Variants in TPD52 observed in about 807,000 individuals in gnomAD.
TPD52 encodes prostate and colon associated protein.
In TPD52, 17 loss-of-function variants were observed where a neutral mutation model predicts 31.3. The observed-to-expected ratio is 0.54, with a 90% CI of 0.37 to 0.82. The LOEUF is 0.82. Among genes scored for constraint, TPD52 ranks in the 40% least tolerant of loss-of-function variants. The pLI, the probability that TPD52 is intolerant of heterozygous loss-of-function variation, is 0.00. For missense variants in TPD52, 212 were observed against 240.1 expected (o/e 0.88, Z 0.77); for synonymous variants, 83 against 89.6 (o/e 0.93, Z 0.42).
intron 1 of TPD52, chr8:80,080,209 A>C (rs970267642): frequency 2.0e-6 from 2 of 986,010 alleles, no homozygotes; most frequent in Non-Finnish European, 3.1e-6. Flanking sequence ...ACAACCCAAC[A>C]CCACCCTGGT....
chr8:80,131,775 G>A (rs1166898170), intron 1 of TPD52, among the ~76,000 whole-genome samples: 6 of 152,130 alleles, frequency 3.9e-5, no homozygotes, highest in Non-Finnish European at 5.9e-5. Context: ...GGTGCTCCAC[G>A]TGGCAGCCAT....
intron 7 of TPD52, among the ~76,000 whole-genome samples, 171 bp from the exon 8 acceptor site, chr8:80,038,406 T>C (rs949971291): frequency 1.3e-5 from 2 of 152,232 alleles, no homozygotes; most frequent in Non-Finnish European, 2.9e-5. Flanking sequence ...AGTGTGGTTT[T>C]ATAGTAAAAC....
chr8:80,154,737 ACACACAC>A (rs1421881663), intron 1 of TPD52, among the ~76,000 whole-genome samples: 9 of 141,108 alleles, frequency 6.4e-5, no homozygotes, highest in Middle Eastern at 7.5e-3. Flanking sequence ...ACACACACAC[ACACACAC>A]ACACACACAA....
chr8:80,054,474 C>T (rs566570132), intron 2 of TPD52, among the ~76,000 whole-genome samples: 1 of 151,958 alleles, frequency 6.6e-6, no homozygotes, highest in Non-Finnish European at 1.5e-5. Flanking sequence ...CTTTAGGTCC[C>T]AGGAAATTGA....
intron 5 of TPD52, among the ~76,000 whole-genome samples, chr8:80,047,869 G>T (rs1386330554): frequency 6.6e-6 from 1 of 152,042 alleles, no homozygotes; most frequent in Non-Finnish European, 1.5e-5. Flanking sequence ...GGAAATAAAG[G>T]CAAAATTAAT....
chr8:80,088,816 G>A (rs1195829870), intron 1 of TPD52, among the ~76,000 whole-genome samples: 5 of 152,150 alleles, frequency 3.3e-5, no homozygotes, highest in Admixed American at 1.3e-4. Context: ...GGATGCTCAC[G>A]CAAAAGGCCT....
chr8:80,112,817 A>T (rs1157847795), intron 1 of TPD52, among the ~76,000 whole-genome samples: 1 of 152,196 alleles, frequency 6.6e-6, no homozygotes, highest in African/African-American at 2.4e-5. Context: ...TACAGGTTGA[A>T]TATCCCTTAT....
chr8:80,116,435 C>G (rs1200596926), intron 1 of TPD52, among the ~76,000 whole-genome samples: 3 of 149,188 alleles, frequency 2.0e-5, no homozygotes, highest in South Asian at 2.1e-4. Flanking sequence ...TAGAAAGACA[C>G]AAAATCCTGA....
At chr8:80,122,916 C>G (rs1032152216) in intron 1 of TPD52, 1 of 152,294 alleles carries the variant, frequency 6.6e-6, no homozygotes, top group Non-Finnish European at 1.5e-5. Context: ...GTTTGGGAAA[C>G]CTTCACTGCT....
At chr8:80,148,657 G>C (rs963832015) in intron 1 of TPD52, among the ~76,000 whole-genome samples, 6 of 152,074 alleles carry the variant, frequency 3.9e-5, no homozygotes, top group African/African-American at 1.2e-4. Flanking sequence ...TTTTGCTGAA[G>C]AGAAAATGCT....
intron 1 of TPD52, among the ~76,000 whole-genome samples, chr8:80,168,568 C>T (rs1048041251): frequency 6.6e-6 from 1 of 152,222 alleles, no homozygotes; most frequent in Non-Finnish European, 1.5e-5. Flanking sequence ...TTTCAGCCAA[C>T]ACAGTTTGCT....
chr8:80,137,201 G>A (rs542813124), intron 1 of TPD52, among the ~76,000 whole-genome samples: 12 of 152,236 alleles, frequency 7.9e-5, no homozygotes, highest in Non-Finnish European at 1.3e-4. Context: ...GTTTGCCTGC[G>A]GGCACGGGAT....
intron 1 of TPD52, among the ~76,000 whole-genome samples, chr8:80,093,453 A>C (rs1373265488): frequency 6.6e-6 from 1 of 152,204 alleles, no homozygotes; most frequent in Non-Finnish European, 1.5e-5. Context: ...ATGTGGAAAA[A>C]ACTTCCACAA....
intron 1 of TPD52, among the ~76,000 whole-genome samples, chr8:80,142,238 C>T (rs1336762631): frequency 1.3e-5 from 2 of 152,160 alleles, no homozygotes; most frequent in African/African-American, 2.4e-5. Context: ...AGGCACAAAT[C>T]GGGTCTGTAT....
intron 1 of TPD52, among the ~76,000 whole-genome samples, chr8:80,139,897 G>T (rs1408968906): frequency 6.6e-6 from 1 of 152,110 alleles, no homozygotes; most frequent in Admixed American, 6.5e-5. Flanking sequence ...CCAGCTAGGG[G>T]ACCCCACCCG....
chr8:80,080,231 C>G, intron 1 of TPD52: 1 of 1,290,156 alleles, frequency 7.8e-7, no homozygotes, highest in South Asian at 1.3e-5. Flanking sequence ...CATCTTTACA[C>G]TAACAATTTT....
chr8:80,047,332 G>A (rs1810961877), intron 5 of TPD52, among the ~76,000 whole-genome samples: 1 of 152,046 alleles, frequency 6.6e-6, no homozygotes, highest in African/African-American at 2.4e-5. Flanking sequence ...TTGTCTCGCT[G>A]GGCTTATAAA....
At chr8:80,117,142 A>G (rs1807920821) in intron 1 of TPD52, among the ~76,000 whole-genome samples, 1 of 152,200 alleles carries the variant, frequency 6.6e-6, no homozygotes, top group Non-Finnish European at 1.5e-5. Flanking sequence ...TGGAGGTTCT[A>G]GCCAGGACAC....
intron 1 of TPD52, among the ~76,000 whole-genome samples, chr8:80,095,420 G>T (rs991100672): frequency 6.6e-6 from 1 of 152,068 alleles, no homozygotes; most frequent in African/African-American, 2.4e-5. Context: ...GGCAGTGAAA[G>T]TATTCTGTAT....
Sources: gnomAD v4.1 joint callset for allele counts (sites outside exome capture counted in the v4.1 genomes callset) on GRCh38, gnomAD v4.1.1 for gene constraint, MANE v1.5 for transcripts, NCBI Gene and HGNC (gene_info 2026-07-23, HGNC 2026-07-21) for gene names.